ARMC6: variants seen among roughly 807,000 people sequenced by gnomAD.
ARMC6 encodes armadillo repeat-containing protein 6.
In ARMC6, 43 loss-of-function variants were observed where a neutral mutation model predicts 49.2. The observed-to-expected ratio is 0.87, with a 90% CI of 0.69 to 1.13. ARMC6 has a LOEUF of 1.13. Ranked by LOEUF, ARMC6 falls within the 50% of genes most tolerant of loss-of-function variation. ARMC6 has a pLI of 0.00. For synonymous variants in ARMC6, 262 were observed against 289.6 expected (o/e 0.90, Z 0.97); for missense variants, 627 against 682.0 (o/e 0.92, Z 0.90).
At chr19:19,042,160 G>A (rs911893855) in intron 2 of ARMC6, among the ~76,000 whole-genome samples, 1 of 152,182 alleles carries the variant, frequency 6.6e-6, no homozygotes, top group Admixed American at 6.5e-5. Context: ...GCTTCCCAAA[G>A]TGTTGGGATT....
intron 5 of ARMC6, among the ~76,000 whole-genome samples, chr19:19,052,523 CG>C (rs750981068): frequency 6.6e-6 from 1 of 152,126 alleles, no homozygotes; most frequent in African/African-American, 2.4e-5. Flanking sequence ...TAAGAGGACT[CG>C]GGGGGGCTGG....
intron 5 of ARMC6, among the ~76,000 whole-genome samples, chr19:19,053,144 A>G (rs1421342837): frequency 6.6e-6 from 1 of 152,172 alleles, no homozygotes; most frequent in Non-Finnish European, 1.5e-5. Context: ...TAAGGACTTC[A>G]GCTGATGGAA....
In ARMC6 at chr19:19,054,005, G is replaced by A. The variant is rs529229380; in HGVS notation, c.854-147G>A. 7.9e-5 allele frequency: 54 copies of A among 679,258 alleles called. No individual in the cohort carries two copies. In the South Asian group the frequency reaches 1.0e-3, roughly 13 times the overall value. 42.1% of individuals were successfully genotyped at this position (679,258 alleles called of 1,614,324 possible). A position where few individuals can be genotyped will look rare whatever the true frequency, so the allele number is the denominator to read the frequency against. On this transcript the variant is annotated intron_variant, in intron 5 of 8. Coordinates refer to ENST00000535612, the MANE Select transcript of ARMC6 (RefSeq NM_001199196.2). Reference sequence around the variant, plus strand: ...GCACTGCAGGCCCAGGTAGCCCCTGGTGTTCCCTGGGGCCTTCCTGGTGCC... The same window carrying A: ...GCACTGCAGGCCCAGGTAGCCCCTGATGTTCCCTGGGGCCTTCCTGGTGCC...
intron 3 of ARMC6, 141 bp from the exon 4 acceptor site, chr19:19,043,851 G>T (rs572013130): frequency 5.0e-5 from 35 of 695,112 alleles, no homozygotes; most frequent in Middle Eastern, 2.6e-4. Context: ...TGGCATGGGC[G>T]GGAATAGGGA....
chr19:19,035,216 G>A (rs563066275), intron 2 of ARMC6, among the ~76,000 whole-genome samples: 1 of 152,190 alleles, frequency 6.6e-6, no homozygotes, highest in South Asian at 2.1e-4. Flanking sequence ...ATGTTGGCCA[G>A]GCTGTTCTCA....
At chr19:19,040,427 T>G (rs1599634339) in intron 2 of ARMC6, among the ~76,000 whole-genome samples, 1 of 151,876 alleles carries the variant, frequency 6.6e-6, no homozygotes, top group Non-Finnish European at 1.5e-5. Flanking sequence ...AAGTGCTAGG[T>G]TTTTTTTAAA....
chr19:19,052,711 C>G (rs1393598686), intron 5 of ARMC6, among the ~76,000 whole-genome samples: 2 of 152,202 alleles, frequency 1.3e-5, no homozygotes. Flanking sequence ...TACCCCCATC[C>G]CATCCACTGA....
intron 2 of ARMC6, among the ~76,000 whole-genome samples, chr19:19,036,897 T>A (rs1262827257): frequency 6.6e-6 from 1 of 152,146 alleles, no homozygotes; most frequent in Non-Finnish European, 1.5e-5. Context: ...TGAAGAAAAG[T>A]GTATCTGGCT....
Position 19,042,756 on chromosome 19 carries a change from G to T in ARMC6, c.75G>T (p.Lys25Asn), listed in dbSNP as rs1474910440. The change falls in exon 3 of 9, where the codon AAG becomes AAT. Residue 25 changes from lysine (K) to asparagine (N), a missense_variant. Transcript: ENST00000535612. ...GCACGCCAACATCAACACAGGCGAA[G>T]ATGGTCTCCAAGCGCATTGCCCAGG... The part of the protein sequence containing the change: ...IGCTPTSTQA[K>N]MVSKRIAQET... The T allele has an allele frequency of 1.2e-6, 2 of 1,613,770 alleles. No individual in the cohort carries two copies. Among genetic ancestry groups the T allele is most frequent in the East Asian group, 4.5e-5 (2 of 44,904 alleles).
chr19:19,042,570 C>G, intron 2 of ARMC6, 141 bp from the exon 3 acceptor site: 1 of 778,754 alleles, frequency 1.3e-6, no homozygotes, highest in Non-Finnish European at 2.1e-6. Flanking sequence ...CCTGTGATAA[C>G]AGGTGGGAAG....
chr19:19,055,167 T>C lies in ARMC6; in HGVS notation c.1024-98T>C. On this transcript the variant is annotated intron_variant, in intron 6 of 8. Coordinates refer to ENST00000535612, the MANE Select transcript of ARMC6 (RefSeq NM_001199196.2). The surrounding 1 kb of genome is among the most constrained non-coding windows in gnomAD (Gnocchi z 5.7). ...TCACACCCTGCAGTCACACCATACC[T>C]GTTGGTCAAACAGCAAAACAGCCCC... 1 of 1,452,636 alleles carries C rather than the reference T, an allele frequency of 6.9e-7. No homozygotes were observed. Among genetic ancestry groups the C allele is most frequent in the South Asian group, 1.4e-5 (1 of 71,816 alleles). 90.0% of individuals were successfully genotyped at this position (1,452,636 alleles called of 1,614,324 possible).
In ARMC6 at chr19:19,057,777, G is replaced by C. The variant is rs755918247; in HGVS notation, c.*149G>C. On this transcript the variant is annotated 3_prime_UTR_variant, in exon 9 of 9. Coordinates refer to ENST00000535612, the MANE Select transcript of ARMC6 (RefSeq NM_001199196.2). ...AGGCCCTAGGTAAAGGGTCGGGGGA[G>C]GGGGGAGCCTTGTAGGGAGGCCTCT... The C allele has an allele frequency of 2.1e-5, 18 of 867,388 alleles. No homozygotes were observed. Among genetic ancestry groups the C allele is most frequent in the African/African-American group, 4.9e-5 (3 of 60,798 alleles). The allele number at this position is 867,388 out of a possible 1,614,324, so 53.7% of individuals were successfully genotyped here.
In ARMC6 at chr19:19,054,321, G is replaced by A. The variant is rs1200353217; in HGVS notation, c.1023G>A (p.Gln341=). Reference sequence around the variant, plus strand: ...AGATGAGGGACCAGAGCGGCGTTCAGGTATGAAGTCCCCCTGGCCCATTGC... The same window carrying A: ...AGATGAGGGACCAGAGCGGCGTTCAAGTATGAAGTCCCCCTGGCCCATTGC... The part of the protein sequence containing the change: ...DHQMRDQSGV[Q]ELVKQVLSTL... The change falls in exon 6 of 9, where the codon CAG becomes CAA. Residue 341 remains glutamine (Q), a splice_region_variant and synonymous_variant. Coordinates refer to ENST00000535612, the MANE Select transcript of ARMC6 (RefSeq NM_001199196.2). 3.8e-6 allele frequency: 6 copies of A among 1,572,512 alleles called. No individual in the cohort carries two copies. The highest frequency in any genetic ancestry group is 5.2e-6 in the Non-Finnish European group (6 of 1,158,208).
At chr19:19,039,323 G>T (rs1223994113) in intron 2 of ARMC6, 2 of 449,760 alleles carry the variant, frequency 4.4e-6, no homozygotes, top group African/African-American at 4.0e-5. Flanking sequence ...TTTTTGTAGA[G>T]ACGGGGCCTT....
rs370046620 is a variant in ARMC6 at position 19,054,752 on chromosome 19, G to A, written c.1023+431G>A. 4.1e-3 allele frequency among the ~76,000 whole-genome samples: 625 copies of A among 152,276 alleles called. 7 individuals are homozygous for A. Among genetic ancestry groups the A allele is most frequent in the Middle Eastern group, 0.02 (6 of 294 alleles). Reference sequence around the variant, plus strand: ...AGCTGCAGCTGCAGGAAAGCCCCCAGGGGTGCCACGGTCCTGCGCCCCCAA... The same window carrying A: ...AGCTGCAGCTGCAGGAAAGCCCCCAAGGGTGCCACGGTCCTGCGCCCCCAA... On this transcript the variant is annotated intron_variant, in intron 6 of 8. Transcript: ENST00000535612.
At chr19:19,041,669 A>G (rs925986559) in intron 2 of ARMC6, among the ~76,000 whole-genome samples, 1 of 152,072 alleles carries the variant, frequency 6.6e-6, no homozygotes, top group Non-Finnish European at 1.5e-5. Context: ...AATATAGTGT[A>G]TATCTTATAC....
chr19:19,039,032 G>A (rs1360658027), intron 2 of ARMC6, among the ~76,000 whole-genome samples: 1 of 152,074 alleles, frequency 6.6e-6, no homozygotes, highest in Admixed American at 6.6e-5. Context: ...TGAGATTACA[G>A]GCACAAGTCA....
chr19:19,051,618 C>T lies in ARMC6; in HGVS notation c.280-4C>T, dbSNP rs749085846. ...GATGCTGAGGTTTCTCCCATGTCTC[C>T]CAGATGCTCAGTGACCTCCAGGAGT... On this transcript the variant is annotated splice_polypyrimidine_tract_variant and splice_region_variant and intron_variant, in intron 4 of 8. Coordinates refer to ENST00000535612, the MANE Select transcript of ARMC6 (RefSeq NM_001199196.2). 2.5e-6 allele frequency: 4 copies of T among 1,584,550 alleles called. No homozygotes were observed. Among genetic ancestry groups the T allele is most frequent in the African/African-American group, 1.3e-5 (1 of 74,080 alleles).
At chr19:19,037,046 C>T (rs972992767) in intron 2 of ARMC6, among the ~76,000 whole-genome samples, 3 of 152,134 alleles carry the variant, frequency 2.0e-5, no homozygotes, top group Non-Finnish European at 2.9e-5. Context: ...ATTAGCTGGG[C>T]GTGGTGGCGT....
Sources: allele counts gnomAD v4.1 joint callset (sites outside exome capture counted in the v4.1 genomes callset), GRCh38; gene constraint gnomAD v4.1.1; non-coding constraint Gnocchi (gnomAD v3.1); transcripts MANE v1.5; gene names NCBI Gene and HGNC (gene_info 2026-07-23, HGNC 2026-07-21).